KCNJ15: variants seen among roughly 807,000 people sequenced by gnomAD.
The protein encoded by KCNJ15 is potassium inwardly rectifying channel subfamily J member 15.
Under a neutral mutation model 23.0 loss-of-function variants are expected in KCNJ15, and 14 were observed. The ratio of observed to expected loss-of-function variants is 0.61; its 90% CI spans 0.40 to 0.95. The LOEUF is 0.95. Among genes scored for constraint, KCNJ15 ranks in the 40% least tolerant of loss-of-function variants. The pLI is 0.00. For missense variants in KCNJ15, 388 were observed against 461.8 expected (o/e 0.84, Z 1.46); for synonymous variants, 185 against 183.2 (o/e 1.01, Z -0.08).
intron 1 of KCNJ15, among the ~76,000 whole-genome samples, chr21:38,271,208 C>T (rs544608993): frequency 1.1e-4 from 16 of 152,336 alleles, no homozygotes; most frequent in Admixed American, 1.3e-4. Context: ...CTTTAAATTT[C>T]CCTTCATAGA....
chr21:38,236,850 T>TTCAA (rs1404307020), intron 1 of KCNJ15, among the ~76,000 whole-genome samples: 1 of 152,230 alleles, frequency 6.6e-6, no homozygotes, highest in African/African-American at 2.4e-5. Context: ...TAAAAGATTA[T>TTCAA]TCAATCATAA....
At chr21:38,247,522 GTGGATGGA>G (rs10579917) in intron 1 of KCNJ15, among the ~76,000 whole-genome samples, 48,196 of 137,262 alleles carry the variant, frequency 0.35, 9,607 homozygotes, top group East Asian at 0.7. Flanking sequence ...AGATGCATAG[GTGGATGGA>G]TGGATGGATG....
chr21:38,299,229 T>A lies in KCNJ15; in HGVS notation c.-18-15T>A. The A allele has an allele frequency of 6.4e-7, 1 of 1,566,234 alleles. No homozygotes were observed. The highest frequency in any genetic ancestry group is 1.2e-5 in the South Asian group (1 of 85,164). On this transcript the variant is annotated splice_polypyrimidine_tract_variant and intron_variant, in intron 2 of 2. Coordinates refer to ENST00000398938, the MANE Select transcript of KCNJ15 (RefSeq NM_170736.3). The surrounding 1 kb of genome is among the most constrained non-coding windows in gnomAD (Gnocchi z 4.5). Reference sequence around the variant, plus strand: ...ACATATGGCGATAATGAAACATCTTTGTCATTTCTCTAAGTGTTTCCAGAG... The same window carrying A: ...ACATATGGCGATAATGAAACATCTTAGTCATTTCTCTAAGTGTTTCCAGAG...
chr21:38,254,695 C>A (rs562254641), upstream of KCNJ15, among the ~76,000 whole-genome samples: 4 of 152,180 alleles, frequency 2.6e-5, no homozygotes, highest in Non-Finnish European at 4.4e-5. Context: ...AGCTTCAATT[C>A]ATCGCTCTGT....
At chr21:38,231,524 T>G (rs958165045) in intron 1 of KCNJ15, among the ~76,000 whole-genome samples, 2 of 151,968 alleles carry the variant, frequency 1.3e-5, no homozygotes, top group Non-Finnish European at 2.9e-5. Flanking sequence ...TACTTGAGCT[T>G]TGGGGAAAAG....
intron 1 of KCNJ15, among the ~76,000 whole-genome samples, chr21:38,287,066 T>G (rs1343385251): frequency 6.6e-6 from 1 of 152,236 alleles, no homozygotes; most frequent in Non-Finnish European, 1.5e-5. Flanking sequence ...ATTGGTGTCT[T>G]CTGTAATCTT....
chr21:38,231,943 T>C (rs1326642965), intron 1 of KCNJ15, among the ~76,000 whole-genome samples: 1 of 151,864 alleles, frequency 6.6e-6, no homozygotes, highest in Non-Finnish European at 1.5e-5. Context: ...ATATCTTTTG[T>C]TTTTGTGTCC....
rs543535202 is a variant in KCNJ15 at position 38,235,943 on chromosome 21, GT to G, written c.-398-21096del. Among the ~76,000 whole-genome samples, 15 of 152,126 alleles carry G rather than the reference GT, an allele frequency of 9.9e-5. No homozygotes were observed. In the South Asian group the frequency reaches 2.9e-3, roughly 29 times the overall value. ...TCTTTGATGAGCTTCAATTAGAAAT[GT>G]TTTTTTCCAGAATATATCATTTTTC... On this transcript the variant is annotated intron_variant, in intron 1 of 4. Transcript: ENST00000547341.
At chr21:38,237,861 T>C (rs1353422719) in intron 1 of KCNJ15, among the ~76,000 whole-genome samples, 2 of 152,176 alleles carry the variant, frequency 1.3e-5, no homozygotes, top group African/African-American at 4.8e-5. Context: ...AGTGAGTGTG[T>C]TCAGCTATAA....
At chr21:38,278,453 C>A (rs777336245) in intron 1 of KCNJ15, among the ~76,000 whole-genome samples, 1 of 152,200 alleles carries the variant, frequency 6.6e-6, no homozygotes, top group Non-Finnish European at 1.5e-5. Context: ...CATACATGAG[C>A]TGCCGACACA....
rs564750635 is a variant in KCNJ15, at chr21:38,301,938, C to T, written c.*1549C>T. On this transcript the variant is annotated 3_prime_UTR_variant, in exon 3 of 3. Coordinates refer to ENST00000398938, the MANE Select transcript of KCNJ15 (RefSeq NM_170736.3). ...ATACAAAGATGTACGCATGATTCCC[C>T]CCACCAAGCACACACACAGTCACAC... 1 of 161,814 alleles carries T rather than the reference C, an allele frequency of 6.2e-6. No homozygotes were observed. The highest frequency in any genetic ancestry group is 1.5e-5 in the Non-Finnish European group (1 of 68,152). 10.0% of individuals were successfully genotyped at this position (161,814 alleles called of 1,614,324 possible). A position where few individuals can be genotyped will look rare whatever the true frequency, so the allele number is the denominator to read the frequency against.
chr21:38,251,390 G>A (rs1162563908), intron 1 of KCNJ15, among the ~76,000 whole-genome samples: 1 of 152,168 alleles, frequency 6.6e-6, no homozygotes, highest in East Asian at 1.9e-4. Context: ...ATCACCGTTG[G>A]GTTCATGTCA....
At chr21:38,258,962 TCTGCA>T (rs1980581907) in intron 1 of KCNJ15, among the ~76,000 whole-genome samples, 1 of 152,096 alleles carries the variant, frequency 6.6e-6, no homozygotes. Context: ...TCACTCTGCT[TCTGCA>T]TCGAGGAAAT....
Position 38,306,413 on chromosome 21 carries a change from T to C in KCNJ15, c.*6024T>C, listed in dbSNP as rs930918948. ...AAGTTGTTGACTCTGAGCTAGGAAA[T>C]GCGTGATCTCTCAGCTGACTTACTT... On this transcript the variant is annotated 3_prime_UTR_variant, in exon 3 of 3. Coordinates refer to ENST00000398938, the MANE Select transcript of KCNJ15 (RefSeq NM_170736.3). 3 of 150,302 alleles carry C rather than the reference T, an allele frequency of 2.0e-5. No homozygotes were observed. The highest frequency in any genetic ancestry group is 7.3e-5 in the African/African-American group (3 of 40,984). 9.3% of individuals were successfully genotyped at this position (150,302 alleles called of 1,614,324 possible).
At position 38,300,195 on chromosome 21, in the gene KCNJ15, G is replaced by C; in HGVS notation, c.934G>C (p.Val312Leu). Reference protein sequence around the residue: ...PEEIYWGFEFVPVVSLSKNGK... With the variant: ...PEEIYWGFEFLPVVSLSKNGK... ...GGAAATCTACTGGGGTTTTGAGTTTGTGCCTGTGGTATCTCTCTCCAAAAA... is the reference window on the plus strand; with the variant it reads ...GGAAATCTACTGGGGTTTTGAGTTTCTGCCTGTGGTATCTCTCTCCAAAAA... Residue 312 changes from valine (V) to leucine (L), a missense_variant, in exon 3 of 3, where the codon GTG becomes CTG. By Grantham distance (32) the Val-to-Leu change is conservative. Transcript: ENST00000398938. The C allele has an allele frequency of 6.2e-7, 1 of 1,614,150 alleles. No homozygotes were observed. Among genetic ancestry groups the C allele is most frequent in the Non-Finnish European group, 8.5e-7 (1 of 1,180,028 alleles).
intron 1 of KCNJ15, among the ~76,000 whole-genome samples, chr21:38,263,687 G>A (rs1027327442): frequency 2.6e-5 from 4 of 152,114 alleles, no homozygotes; most frequent in Admixed American, 1.3e-4. Flanking sequence ...GAGTGGCAAG[G>A]CATCGTGCGA....
chr21:38,297,675 C>G (rs1217115465), intron 2 of KCNJ15, among the ~76,000 whole-genome samples: 2 of 152,174 alleles, frequency 1.3e-5, no homozygotes, highest in Non-Finnish European at 2.9e-5. Context: ...TAGTAAGGCC[C>G]TAGTTCATCA....
intron 1 of KCNJ15, among the ~76,000 whole-genome samples, chr21:38,242,895 G>A (rs1188605266): frequency 1.3e-5 from 2 of 152,170 alleles, no homozygotes; most frequent in Non-Finnish European, 2.9e-5. Flanking sequence ...CATATCCTAT[G>A]GAAGGGTGCC....
At chr21:38,250,005 T>C (rs1471119881) in intron 1 of KCNJ15, among the ~76,000 whole-genome samples, 1 of 152,214 alleles carries the variant, frequency 6.6e-6, no homozygotes, top group Non-Finnish European at 1.5e-5. Context: ...ACACCCTCTT[T>C]CTATACTCCT....
Sources: gnomAD v4.1 joint callset for allele counts (sites outside exome capture counted in the v4.1 genomes callset) on GRCh38, gnomAD v4.1.1 for gene constraint, Gnocchi (gnomAD v3.1) non-coding constraint, MANE v1.5 for transcripts, NCBI Gene and HGNC (gene_info 2026-07-23, HGNC 2026-07-21) for gene names.